The following EML6 variants were observed in gnomAD, a reference collection of about 807,000 sequenced individuals.
EML6 encodes EMAP like 6.
A neutral mutation model predicts 240.1 loss-of-function variants in EML6; 154 were observed. That is an observed-to-expected ratio of 0.64 (90% CI 0.56 to 0.73). The LOEUF (loss-of-function observed/expected upper bound fraction) is 0.73. EML6 is among the 30% of genes least tolerant of loss of function. The pLI, the probability that EML6 is intolerant of heterozygous loss-of-function variation, is 0.00. For missense variants in EML6, 2,964 were observed against 2,474.6 expected (o/e 1.20, Z -4.20); for synonymous variants, 1,148 against 899.0 (o/e 1.28, Z -4.95).
At chr2:54,810,947 A>G (rs1011882681) in intron 2 of EML6, among the ~76,000 whole-genome samples, 4 of 152,166 alleles carry the variant, frequency 2.6e-5, no homozygotes, top group African/African-American at 7.2e-5. Context: ...TTCAAACTTT[A>G]CTGTAGCCAG....
intron 18 of EML6, among the ~76,000 whole-genome samples, chr2:54,891,961 C>T (rs867379373): frequency 3.3e-5 from 5 of 152,308 alleles, no homozygotes; most frequent in Admixed American, 1.3e-4. Context: ...CCCAAAATAG[C>T]TGTTATAAAT....
intron 2 of EML6, among the ~76,000 whole-genome samples, chr2:54,728,092 C>G (rs942380147): frequency 3.3e-5 from 5 of 152,160 alleles, no homozygotes; most frequent in African/African-American, 1.2e-4. Flanking sequence ...ATTCAGATAA[C>G]AGATTAGAAG....
chr2:54,965,493 G>A (rs1290827443), intron 38 of EML6, among the ~76,000 whole-genome samples: 1 of 152,214 alleles, frequency 6.6e-6, no homozygotes, highest in Non-Finnish European at 1.5e-5. Context: ...TTCACGCAGA[G>A]CTGGCTGTGC....
intron 28 of EML6, among the ~76,000 whole-genome samples, chr2:54,933,233 C>G (rs748381576): frequency 2.6e-5 from 4 of 152,120 alleles, no homozygotes; most frequent in African/African-American, 7.2e-5. Flanking sequence ...TACCCTTGAA[C>G]CAATCACTAT....
chr2:54,937,828 A>G (rs963187524), intron 28 of EML6, among the ~76,000 whole-genome samples: 6 of 152,236 alleles, frequency 3.9e-5, no homozygotes, highest in African/African-American at 1.4e-4. Flanking sequence ...TTGTGCATTA[A>G]TTAAATACTG....
intron 17 of EML6, among the ~76,000 whole-genome samples, chr2:54,885,948 C>T (rs970917527): frequency 2.6e-5 from 4 of 152,140 alleles, no homozygotes; most frequent in African/African-American, 4.8e-5. Flanking sequence ...CCCCAAAATT[C>T]CATCTCTTCC....
rs1346346986 is a variant in EML6, at chr2:54,889,577, A to T, written c.2439-1477A>T. On this transcript the variant is annotated intron_variant, in intron 17 of 41. Transcript: ENST00000356458. ...TATAAATAGAGTCCTCTCCTCCATT[A>T]TATTTTTCAACCAGTCACTGTATAT... is the stretch of plus-strand genomic sequence containing the variant. 2.6e-5 allele frequency among the ~76,000 whole-genome samples: 4 copies of T among 151,652 alleles called. No individual in the cohort carries two copies. The East Asian group carries it at 7.7e-4, about 29-fold the overall frequency.
intron 7 of EML6, among the ~76,000 whole-genome samples, chr2:54,836,089 G>A (rs912727314): frequency 6.6e-6 from 1 of 152,170 alleles, no homozygotes; most frequent in Non-Finnish European, 1.5e-5. Context: ...CTGTTCTGCT[G>A]AGAAGGTAGA....
At chr2:54,793,891 A>G (rs895213777) in intron 2 of EML6, among the ~76,000 whole-genome samples, 1 of 152,098 alleles carries the variant, frequency 6.6e-6, no homozygotes, top group Non-Finnish European at 1.5e-5. Flanking sequence ...TAGCCCCTCA[A>G]TAGCCTACTA....
intron 4 of EML6, among the ~76,000 whole-genome samples, 188 bp downstream of exon 4, chr2:54,817,073 A>G (rs1440344594): frequency 6.6e-6 from 1 of 152,222 alleles, no homozygotes; most frequent in Non-Finnish European, 1.5e-5. Context: ...GTGATCAAGT[A>G]CTTTATATGA....
At chr2:54,871,963 AG>A (rs1413013599) in intron 16 of EML6, among the ~76,000 whole-genome samples, 11 of 152,236 alleles carry the variant, frequency 7.2e-5, no homozygotes, top group Non-Finnish European at 1.3e-4. Flanking sequence ...AATGTCTGGC[AG>A]TGACTCAGAA....
chr2:54,907,748 A>G (rs974446133), intron 24 of EML6, among the ~76,000 whole-genome samples: 1 of 152,190 alleles, frequency 6.6e-6, no homozygotes, highest in African/African-American at 2.4e-5. Context: ...CTGTGTGAGC[A>G]GATATTTCCA....
chr2:54,926,938 C>G (rs544180264), intron 26 of EML6, among the ~76,000 whole-genome samples: 1 of 152,152 alleles, frequency 6.6e-6, no homozygotes, highest in Non-Finnish European at 1.5e-5. Context: ...TTCTCATGCT[C>G]TTTTACTTCT....
chr2:54,866,882 C>G lies in EML6; in HGVS notation c.2049C>G (p.His683Gln). The change falls in exon 14 of 42, where the codon CAC (histidine) becomes CAG (glutamine). Residue 683 changes from histidine to glutamine, a missense_variant and splice_region_variant. Physicochemically the swap from His to Gln is conservative, Grantham distance 24. Transcript: ENST00000356458. Reference protein sequence around the residue: ...PEDSLKLQFIHGYRGYDCRNN... With the variant: ...PEDSLKLQFIQGYRGYDCRNN... ...ACAGCTTGAAACTCCAGTTCATACACGGGTGGGTGGCCTGTCATGGGCGCC... is the reference window on the plus strand; with the variant it reads ...ACAGCTTGAAACTCCAGTTCATACAGGGGTGGGTGGCCTGTCATGGGCGCC... 2 of 1,543,080 alleles carry G rather than the reference C, an allele frequency of 1.3e-6. No homozygotes were observed. The highest frequency in any genetic ancestry group is 8.8e-7 in the Non-Finnish European group (1 of 1,139,362).
At chr2:54,876,985 ATT>A (rs34591538) in intron 16 of EML6, among the ~76,000 whole-genome samples, 24,508 of 145,876 alleles carry the variant, frequency 0.17, 2,027 homozygotes, top group South Asian at 0.27. Flanking sequence ...CCAAAAAAAA[ATT>A]TTTTTTTTTT....
chr2:54,901,240 G>A (rs1025473669), intron 22 of EML6, among the ~76,000 whole-genome samples: 1 of 152,202 alleles, frequency 6.6e-6, no homozygotes, highest in African/African-American at 2.4e-5. Flanking sequence ...AACCCATGCA[G>A]TGTGACTGTG....
intron 2 of EML6, among the ~76,000 whole-genome samples, chr2:54,785,724 G>C (rs916083374): frequency 2.0e-5 from 3 of 151,996 alleles, no homozygotes; most frequent in Non-Finnish European, 4.4e-5. Context: ...TGATAAAATA[G>C]ACCAGTGTTT....
chr2:54,893,378 A>G (rs1168492196), intron 19 of EML6, among the ~76,000 whole-genome samples: 6 of 152,128 alleles, frequency 3.9e-5, no homozygotes, highest in African/African-American at 1.4e-4. Flanking sequence ...TTGCTGTGTT[A>G]CCCAATGGCT....
At chr2:54,802,632 A>ACTACTG (rs1670220249) in intron 2 of EML6, among the ~76,000 whole-genome samples, 1 of 145,634 alleles carries the variant, frequency 6.9e-6, no homozygotes. Flanking sequence ...TACTACTACT[A>ACTACTG]CTACTACTAC....
Sources: gnomAD v4.1 joint callset for allele counts (sites outside exome capture counted in the v4.1 genomes callset) on GRCh38, gnomAD v4.1.1 for gene constraint, MANE v1.5 for transcripts, NCBI Gene and HGNC (gene_info 2026-07-23, HGNC 2026-07-21) for gene names.